Variants in PUS10 observed in about 807,000 individuals in gnomAD.
The protein encoded by PUS10 is tRNA pseudouridine synthase Pus10.
Under a neutral mutation model 75.0 loss-of-function variants are expected in PUS10, and 59 were observed. The ratio of observed to expected loss-of-function variants is 0.79; its 90% CI spans 0.64 to 0.98. The LOEUF is 0.98. Among genes scored for constraint, PUS10 ranks in the 50% least tolerant of loss-of-function variants. The pLI, the probability that PUS10 is intolerant of heterozygous loss-of-function variation, is 0.00. For synonymous variants in PUS10, 219 were observed against 211.6 expected, an observed-to-expected ratio of 1.03 and a Z score of -0.30; for missense variants, 650 against 614.4, an observed-to-expected ratio of 1.06 and a Z score of -0.61.
intron 11 of PUS10, among the ~76,000 whole-genome samples, chr2:60,956,030 G>A (rs1675626843): frequency 1.3e-5 from 2 of 151,878 alleles, no homozygotes; most frequent in African/African-American, 2.4e-5. Context: ...CAGAACCAGC[G>A]TATGCTCTGC....
Position 60,987,150 on chromosome 2 carries a change from A to G in PUS10, c.469-15593T>C, listed in dbSNP as rs1401499655. 3.3e-5 allele frequency among the ~76,000 whole-genome samples: 5 copies of G among 152,340 alleles called. No individual in the cohort carries two copies. In the East Asian group the frequency reaches 7.7e-4, roughly 23 times the overall value. On this transcript the variant is annotated intron_variant, in intron 4 of 17. Coordinates refer to ENST00000316752, the MANE Select transcript of PUS10 (RefSeq NM_144709.4). ...GATATGATATTTATCAAAATTTGCC[A>G]TGAATCTGAGAATGGAACAGTATCT...
intron 6 of PUS10, chr2:60,966,578 G>A (rs1676355965): frequency 6.6e-6 from 1 of 152,008 alleles, no homozygotes. Flanking sequence ...AAAATTATTT[G>A]TGCTTCAAAA....
chr2:60,954,874 A>G (rs1287428465), intron 12 of PUS10, 144 bp downstream of exon 12: 5 of 492,006 alleles, frequency 1.0e-5, no homozygotes, highest in Admixed American at 8.0e-5. Flanking sequence ...AGGGGCCTCC[A>G]TAATCCACAA....
chr2:60,953,000 T>A lies in PUS10; in HGVS notation c.1305A>T (p.Ile435=). Residue 435 remains isoleucine, a synonymous_variant, in exon 15 of 18, where the codon ATA becomes ATT. Coordinates refer to ENST00000316752, the MANE Select transcript of PUS10 (RefSeq NM_144709.4). ...QKKDIEFLND[I]KDLKIDQKTP... is the part of the protein sequence containing the mutation. ...AGAATAAGCACACTTAAACTACCTTTATGTCATTTAGGAATTCAATGTCTT... is the reference window on the plus strand; with the variant it reads ...AGAATAAGCACACTTAAACTACCTTAATGTCATTTAGGAATTCAATGTCTT... 6.9e-7 allele frequency: 1 copy of A among 1,454,110 alleles called. No individual in the cohort carries two copies. Among genetic ancestry groups the A allele is most frequent in the Non-Finnish European group, 9.7e-7 (1 of 1,035,256 alleles). 90.1% of individuals were successfully genotyped at this position (1,454,110 alleles called of 1,614,324 possible).
intron 12 of PUS10, among the ~76,000 whole-genome samples, 153 bp from the exon 13 acceptor site, chr2:60,954,311 G>T (rs546610595): frequency 1.3e-5 from 2 of 152,338 alleles, no homozygotes; most frequent in African/African-American, 4.8e-5. Context: ...GGAAGAATGT[G>T]TGAGAAGAAT....
At chr2:61,010,675 T>C in intron 2 of PUS10, 1 of 1,212,316 alleles carries the variant, frequency 8.2e-7, no homozygotes. Flanking sequence ...TATTGTCCCT[T>C]AAAGTCCTGT....
At chr2:61,011,233 G>A (rs1264161526) in intron 2 of PUS10, among the ~76,000 whole-genome samples, 1 of 151,976 alleles carries the variant, frequency 6.6e-6, no homozygotes, top group East Asian at 1.9e-4. Context: ...AAACCTCAAA[G>A]CTCTCTGTAT....
intron 11 of PUS10, among the ~76,000 whole-genome samples, 162 bp from the exon 12 acceptor site, chr2:60,955,236 T>C (rs1260548458): frequency 6.6e-6 from 1 of 152,162 alleles, no homozygotes; most frequent in Non-Finnish European, 1.5e-5. Flanking sequence ...CTACTAAAAA[T>C]AGTAATGCTA....
chr2:61,004,878 G>A lies in PUS10; in HGVS notation c.468+1679C>T, dbSNP rs969690959. 4.6e-5 allele frequency among the ~76,000 whole-genome samples: 7 copies of A among 152,202 alleles called. No homozygotes were observed. The Middle Eastern group carries it at 0.01, about 222-fold the overall frequency. The stretch of plus-strand genomic sequence containing the variant: ...TATTAATTCTTCAATAATCAGAACA[G>A]TCACATATTTCTGCTAAATAGTTTT... On this transcript the variant is annotated intron_variant, in intron 4 of 17. Coordinates refer to ENST00000316752, the MANE Select transcript of PUS10 (RefSeq NM_144709.4).
At chr2:60,972,267 T>A (rs540198659) in intron 4 of PUS10, among the ~76,000 whole-genome samples, 1 of 147,746 alleles carries the variant, frequency 6.8e-6, no homozygotes, top group Non-Finnish European at 1.5e-5. Context: ...ATCGAGACCA[T>A]CCTGGCTAAC....
chr2:60,962,899 G>A lies in PUS10; in HGVS notation c.724-9C>T, dbSNP rs901611835. ...ATTCTAGTGAATACAGACTATATAG[G>A]GTAAAATGAGAAGAAAAGACATTTT... On this transcript the variant is annotated splice_polypyrimidine_tract_variant and intron_variant, in intron 8 of 17. Transcript: ENST00000316752. 4.5e-6 allele frequency: 7 copies of A among 1,541,740 alleles called. No homozygotes were observed. The highest frequency in any genetic ancestry group is 6.1e-6 in the Non-Finnish European group (7 of 1,153,676).
At chr2:60,969,920 T>C (rs1676557692) in intron 5 of PUS10, among the ~76,000 whole-genome samples, 1 of 151,920 alleles carries the variant, frequency 6.6e-6, no homozygotes, top group East Asian at 1.9e-4. Context: ...AAACCCTGTG[T>C]CTACTAAAAA....
Position 61,011,781 on chromosome 2 carries a change from T to C in PUS10, c.110A>G (p.Tyr37Cys), listed in dbSNP as rs747172777. 8.8e-6 allele frequency: 14 copies of C among 1,590,986 alleles called. No homozygotes were observed. The African/African-American group carries it at 1.9e-4, about 22-fold the overall frequency. ...RFCGVDFHAPYKLPYKELLNE... is the reference protein window; with the variant it reads ...RFCGVDFHAPCKLPYKELLNE... ...AGAAAATACCTTGTATGGAAGTTTG[T>C]AAGGTGCATGAAAATCCACACCACA... The change falls in exon 2 of 18, where the codon TAC becomes TGC. Residue 37 changes from tyrosine (Y) to cysteine (C), a missense_variant. Coordinates refer to ENST00000316752, the MANE Select transcript of PUS10 (RefSeq NM_144709.4).
At chr2:60,947,304 C>G (rs1675005816) in intron 16 of PUS10, among the ~76,000 whole-genome samples, 1 of 152,112 alleles carries the variant, frequency 6.6e-6, no homozygotes, top group African/African-American at 2.4e-5. Context: ...TAAAGTAGTG[C>G]TATTCCCATC....
At chr2:60,979,132 TACACATACACATAC>T (rs1677224141) in intron 4 of PUS10, among the ~76,000 whole-genome samples, 1 of 151,834 alleles carries the variant, frequency 6.6e-6, no homozygotes, top group African/African-American at 2.4e-5. Context: ...CACATACACA[TACACATACACATAC>T]ACATACACAT....
At chr2:60,980,255 G>C (rs940303844) in intron 4 of PUS10, among the ~76,000 whole-genome samples, 1 of 152,216 alleles carries the variant, frequency 6.6e-6, no homozygotes, top group Non-Finnish European at 1.5e-5. Flanking sequence ...TCAAACATCT[G>C]TTGGCAGCCG....
chr2:60,967,806 G>T (rs953993833), intron 5 of PUS10, among the ~76,000 whole-genome samples, 193 bp from the exon 6 acceptor site: 3 of 151,986 alleles, frequency 2.0e-5, no homozygotes, highest in African/African-American at 7.2e-5. Context: ...ATACTCTAGT[G>T]GAATCATGGA....
chr2:60,957,276 C>T (rs1390368025), intron 11 of PUS10, among the ~76,000 whole-genome samples: 1 of 152,164 alleles, frequency 6.6e-6, no homozygotes, highest in African/African-American at 2.4e-5. Context: ...AGTGGTTCAG[C>T]TAATCTGCAG....
At chr2:60,950,498 A>T (rs1269636061) in intron 15 of PUS10, among the ~76,000 whole-genome samples, 2 of 152,020 alleles carry the variant, frequency 1.3e-5, no homozygotes, top group Admixed American at 6.5e-5. Flanking sequence ...GCTCACTGCA[A>T]CCTCTGACCT....
Sources: allele counts gnomAD v4.1 joint callset (sites outside exome capture counted in the v4.1 genomes callset), GRCh38; gene constraint gnomAD v4.1.1; transcripts MANE v1.5; gene names NCBI Gene and HGNC (gene_info 2026-07-23, HGNC 2026-07-21).